The following FOXP2 variants were observed in gnomAD, a reference collection of about 807,000 sequenced individuals.
The protein encoded by FOXP2 is forkhead box P2.
FOXP2 carries 12 observed loss-of-function variants against 115.8 expected under a neutral mutation model. The ratio of observed to expected loss-of-function variants is 0.10; its 90% CI spans 0.07 to 0.17. The LOEUF (loss-of-function observed/expected upper bound fraction) is 0.17. Among genes scored for constraint, FOXP2 ranks in the 10% least tolerant of loss-of-function variants. The probability of loss-of-function intolerance (pLI) is 1.00; values close to 1 mark genes in which losing one functional copy is unlikely to be tolerated. For missense variants in FOXP2, 629 were observed against 843.5 expected (o/e 0.75, Z 3.15); for synonymous variants, 328 against 297.7 (o/e 1.10, Z -1.05).
chr7:114,572,280 A>C (rs2129296703), intron 3 of FOXP2, among the ~76,000 whole-genome samples: 1 of 151,816 alleles, frequency 6.6e-6, no homozygotes, highest in African/African-American at 2.4e-5. Flanking sequence ...AAGGATGGGT[A>C]ATAAATGTTA....
At chr7:114,250,695 T>C (rs548294250) in intron 1 of FOXP2, among the ~76,000 whole-genome samples, 3 of 152,286 alleles carry the variant, frequency 2.0e-5, no homozygotes, top group Admixed American at 2.0e-4. Context: ...TTCTAGATAT[T>C]AGCCCTTTGC....
At position 114,444,377 on chromosome 7, in the gene FOXP2, G is replaced by T. The variant is rs541040948; in HGVS notation, c.168+17698G>T. Among the ~76,000 whole-genome samples, 220 of 152,212 alleles carry T rather than the reference G, an allele frequency of 1.4e-3. 1 individual carries two copies. Among genetic ancestry groups the T allele is most frequent in the African/African-American group, 5.2e-3 (218 of 41,530 alleles). On this transcript the variant is annotated intron_variant, in intron 2 of 16. Coordinates refer to ENST00000350908, the MANE Select transcript of FOXP2 (RefSeq NM_014491.4). ...ACATTCAGAAGTACTGTGTCAAGTT[G>T]AGCTTCTCAAGTTCTTGAAATCACC...
chr7:114,277,113 A>C (rs1039128287), intron 1 of FOXP2, among the ~76,000 whole-genome samples: 1 of 152,196 alleles, frequency 6.6e-6, no homozygotes, highest in Non-Finnish European at 1.5e-5. Flanking sequence ...CTGGCAAATA[A>C]TTAACCTCAT....
intron 1 of FOXP2, among the ~76,000 whole-genome samples, chr7:114,176,649 T>A (rs1793321484): frequency 6.7e-6 from 1 of 148,606 alleles, no homozygotes; most frequent in Admixed American, 6.8e-5. Flanking sequence ...TACTGGCCCA[T>A]GTCTGATTTC....
intron 16 of FOXP2, chr7:114,665,857 G>T (rs1807135956): frequency 6.6e-6 from 1 of 152,178 alleles, no homozygotes; most frequent in African/African-American, 2.4e-5. Flanking sequence ...CATGCAGTGG[G>T]TAGCTTGCGG....
At chr7:114,390,371 GA>G (rs1351894973) in intron 2 of FOXP2, among the ~76,000 whole-genome samples, 1 of 152,006 alleles carries the variant, frequency 6.6e-6, no homozygotes, top group Non-Finnish European at 1.5e-5. Context: ...TTGTTTATGA[GA>G]AATTACTGAA....
At chr7:114,263,807 A>T (rs1169796259) in intron 1 of FOXP2, among the ~76,000 whole-genome samples, 1 of 151,662 alleles carries the variant, frequency 6.6e-6, no homozygotes, top group Non-Finnish European at 1.5e-5. Context: ...TAACAGTTAT[A>T]CTGGTATACA....
chr7:114,426,008 A>G (rs897018309), intron 1 of FOXP2, among the ~76,000 whole-genome samples: 1 of 151,724 alleles, frequency 6.6e-6, no homozygotes, highest in African/African-American at 2.4e-5. Context: ...TAACACCCTT[A>G]CAAAATTTTA....
At chr7:114,460,447 G>C (rs1419057856) in intron 2 of FOXP2, among the ~76,000 whole-genome samples, 2 of 152,124 alleles carry the variant, frequency 1.3e-5, no homozygotes, top group African/African-American at 2.4e-5. Flanking sequence ...TCTTTTTCTA[G>C]TTGTCTAGTG....
chr7:114,396,593 C>T (rs555238805), intron 2 of FOXP2, among the ~76,000 whole-genome samples: 2 of 151,912 alleles, frequency 1.3e-5, no homozygotes, highest in South Asian at 2.1e-4. Context: ...ATACTAATTA[C>T]ATTCATATGT....
At position 114,512,411 on chromosome 7, in the gene FOXP2, TTAAG is replaced by T. The variant is rs142532664; in HGVS notation, c.169-22202_169-22199del. 5.2e-3 allele frequency among the ~76,000 whole-genome samples: 788 copies of T among 152,312 alleles called. 4 individuals carry two copies. Among genetic ancestry groups the T allele is most frequent in the African/African-American group, 0.015 (634 of 41,568 alleles). On this transcript the variant is annotated intron_variant, in intron 2 of 16. Coordinates refer to ENST00000350908, the MANE Select transcript of FOXP2 (RefSeq NM_014491.4). ...AGCTTATTTATAACCATAACATGAC[TTAAG>T]TAATACTAACAGAGTAATGTCTGGA...
At chr7:114,450,313 A>G (rs1795016862) in intron 2 of FOXP2, among the ~76,000 whole-genome samples, 1 of 152,122 alleles carries the variant, frequency 6.6e-6, no homozygotes, top group African/African-American at 2.4e-5. Context: ...AGGCATATGA[A>G]AATTGCATTT....
chr7:114,381,410 G>A (rs1004736898), intron 2 of FOXP2, among the ~76,000 whole-genome samples: 1 of 152,220 alleles, frequency 6.6e-6, no homozygotes, highest in Non-Finnish European at 1.5e-5. Flanking sequence ...AAGGACAAGA[G>A]TGTCCAGGTA....
intron 2 of FOXP2, among the ~76,000 whole-genome samples, chr7:114,446,621 C>A (rs774959017): frequency 6.6e-6 from 1 of 151,850 alleles, no homozygotes; most frequent in Non-Finnish European, 1.5e-5. Context: ...TTAAAACCCA[C>A]CTCCCATTAA....
At chr7:114,687,360 A>G (rs118025697) in intron 16 of FOXP2, among the ~76,000 whole-genome samples, 114 of 152,326 alleles carry the variant, frequency 7.5e-4, no homozygotes, top group Middle Eastern at 3.4e-3. Flanking sequence ...TAATCCTGTC[A>G]TAATATGCAA....
chr7:114,629,936 GCAA>G lies in FOXP2; in HGVS notation c.534_536del (p.Gln191del), dbSNP rs1201458908. On this transcript the variant is annotated inframe_deletion, in exon 5 of 17. Coordinates refer to ENST00000350908, the MANE Select transcript of FOXP2 (RefSeq NM_014491.4). ...AGCAGCAACAACAACAACAACAGCA[GCAA>G]CAACAGCAGCAGCAGCAGCAACAGC... is the stretch of plus-strand genomic sequence containing the variant. 1.2e-6 allele frequency: 2 copies of G among 1,609,564 alleles called. No homozygotes were observed. The highest frequency in any genetic ancestry group is 4.5e-5 in the East Asian group (2 of 44,696).
chr7:114,544,110 C>A (rs181040819), intron 3 of FOXP2, among the ~76,000 whole-genome samples: 20 of 152,244 alleles, frequency 1.3e-4, no homozygotes, highest in Non-Finnish European at 2.2e-4. Flanking sequence ...TCTGCCTCAG[C>A]CTCCCAAGTG....
chr7:114,470,098 T>A (rs1316088037), intron 2 of FOXP2, among the ~76,000 whole-genome samples: 1 of 152,134 alleles, frequency 6.6e-6, no homozygotes, highest in African/African-American at 2.4e-5. Context: ...TGAAATAAAT[T>A]TTCAGTGACT....
chr7:114,384,347 G>A (rs181410997), intron 2 of FOXP2, among the ~76,000 whole-genome samples: 1 of 152,352 alleles, frequency 6.6e-6, no homozygotes, highest in Admixed American at 6.5e-5. Flanking sequence ...TCATTTCAGA[G>A]AGGGTATAGC....
Sources: allele counts gnomAD v4.1 joint callset (sites outside exome capture counted in the v4.1 genomes callset), GRCh38; gene constraint gnomAD v4.1.1; transcripts MANE v1.5; gene names NCBI Gene and HGNC (gene_info 2026-07-23, HGNC 2026-07-21).